ZNF593OS: variants seen among roughly 807,000 people sequenced by gnomAD.
The protein encoded by ZNF593OS is transmembrane protein ZNF593OS.
rs1569861734 is a variant in ZNF593OS, at chr1:26,171,295, A to G, written c.86T>C (p.Leu29Pro). ...CACTGTAGCCACAACTCCTGCCAGCAGACTCCGGGGCTCTGCCTTCAGCTC... is the reference window on the plus strand; with the variant it reads ...CACTGTAGCCACAACTCCTGCCAGCGGACTCCGGGGCTCTGCCTTCAGCTC... The change falls in exon 2 of 2, where the codon CTG (leucine) becomes CCG (proline). Residue 29 changes from leucine to proline, a missense_variant. Physicochemically the swap from Leu to Pro is moderately conservative, Grantham distance 98. Transcript: ENST00000648649. The surrounding 1 kb of genome is among the most constrained non-coding windows in gnomAD (Gnocchi z 5.5). The G allele has an allele frequency of 3.7e-5, 15 of 402,090 alleles. No individual in the cohort carries two copies. The East Asian group carries it at 4.3e-4, about 11-fold the overall frequency. 24.9% of individuals were successfully genotyped at this position (402,090 alleles called of 1,614,324 possible). A position where few individuals can be genotyped will look rare whatever the true frequency, so the allele number is the denominator to read the frequency against.
rs1326588346 is a variant in ZNF593OS at position 26,171,585 on chromosome 1, C to T, written c.45+32G>A. The T allele has an allele frequency of 5.0e-6, 2 of 398,428 alleles. No homozygotes were observed. Among genetic ancestry groups the T allele is most frequent in the African/African-American group, 4.1e-5 (2 of 48,578 alleles). 24.7% of individuals were successfully genotyped at this position (398,428 alleles called of 1,614,324 possible). The stretch of plus-strand genomic sequence containing the variant: ...ATGGTAGGGGGAGGAAGGGGTCAGT[C>T]GTGCCAGAAACCGTTGATCAGGGGT... On this transcript the variant is annotated intron_variant, in intron 1 of 1. Coordinates refer to ENST00000648649, the Ensembl canonical transcript of ZNF593OS. The surrounding 1 kb of genome is among the most constrained non-coding windows in gnomAD (Gnocchi z 5.5).
Position 26,170,873 on chromosome 1 carries a change from A to G in ZNF593OS, c.*316T>C, listed in dbSNP as rs2232657. The G allele has an allele frequency of 9.7e-4, 910 of 938,130 alleles. 7 individuals carry two copies. In the African/African-American group the frequency reaches 0.012, roughly 12 times the overall value. 58.1% of individuals were successfully genotyped at this position (938,130 alleles called of 1,614,324 possible). A position where few individuals can be genotyped will look rare whatever the true frequency, so the allele number is the denominator to read the frequency against. On this transcript the variant is annotated 3_prime_UTR_variant, in exon 2 of 2. Coordinates refer to ENST00000648649, the Ensembl canonical transcript of ZNF593OS. ...CAAATAAAGGAACTGGACAAAGAGAACTTGCCTCCAACTCTAACTTCCAGG... is the reference window on the plus strand; with the variant it reads ...CAAATAAAGGAACTGGACAAAGAGAGCTTGCCTCCAACTCTAACTTCCAGG...
exon 2 of ZNF593OS, chr1:26,170,495 GGA>G (rs1178626542): frequency 1.9e-6 from 3 of 1,614,220 alleles, no homozygotes; most frequent in Non-Finnish European, 1.7e-6. Context: ...GAAGGAGTAA[GGA>G]GAGGATTGAT....
rs770629776 is a variant in ZNF593OS at position 26,170,617 on chromosome 1, G to A, written c.*572C>T. The stretch of plus-strand genomic sequence containing the variant: ...TCGAGCCCTACAGTCAGGAAGAGGC[G>A]GAGAGGGCAGCGGGTATGGGATCCT... On this transcript the variant is annotated 3_prime_UTR_variant, in exon 2 of 2. Transcript: ENST00000648649. 7 of 1,613,484 alleles carry A rather than the reference G, an allele frequency of 4.3e-6. No individual in the cohort carries two copies. Among genetic ancestry groups the A allele is most frequent in the Admixed American group, 1.7e-5 (1 of 60,002 alleles).
chr1:26,170,513 G>C, exon 2 of ZNF593OS: 1 of 1,614,160 alleles, frequency 6.2e-7, no homozygotes, highest in Non-Finnish European at 8.5e-7. Context: ...TTGATGGATG[G>C]GTGCTCAGCA....
chr1:26,171,399 G>A lies in ZNF593OS; in HGVS notation c.46-64C>T, dbSNP rs1008198633. On this transcript the variant is annotated intron_variant, in intron 1 of 1. Coordinates refer to ENST00000648649, the Ensembl canonical transcript of ZNF593OS. This position sits in a 1 kb window ranked among gnomAD's most constrained non-coding sequence, Gnocchi z 5.5. ...AGACTGCCAGGAAGGTGGGGAGTGGGAAAGGGCTGAGTAGATGTAGCTAGG... is the reference window on the plus strand; with the variant it reads ...AGACTGCCAGGAAGGTGGGGAGTGGAAAAGGGCTGAGTAGATGTAGCTAGG... The A allele has an allele frequency of 2.5e-6, 1 of 399,366 alleles. No individual in the cohort carries two copies. Among genetic ancestry groups the A allele is most frequent in the African/African-American group, 2.1e-5 (1 of 48,638 alleles). 24.7% of individuals were successfully genotyped at this position (399,366 alleles called of 1,614,324 possible).
downstream of ZNF593OS, chr1:26,169,918 G>A (rs576363399): frequency 5.6e-5 from 82 of 1,456,148 alleles, 1 homozygote; most frequent in South Asian, 1.1e-3. Flanking sequence ...GATCGGCCCG[G>A]AAGTGCTCAC....
chr1:26,171,504 C>T lies in ZNF593OS; in HGVS notation c.45+113G>A. 2.5e-6 allele frequency: 1 copy of T among 398,678 alleles called. No homozygotes were observed. The highest frequency in any genetic ancestry group is 3.6e-5 in the East Asian group (1 of 28,078). 24.7% of individuals were successfully genotyped at this position (398,678 alleles called of 1,614,324 possible). ...TCGCCTCACTGCCCATCTGGGCCTG[C>T]CTGCTCAGGCGGCAGGGAACGTGAC... On this transcript the variant is annotated intron_variant, in intron 1 of 1. Transcript: ENST00000648649. The surrounding 1 kb of genome is among the most constrained non-coding windows in gnomAD (Gnocchi z 5.5).
chr1:26,170,140 C>T, downstream of ZNF593OS: 1 of 1,571,890 alleles, frequency 6.4e-7, no homozygotes, highest in Non-Finnish European at 8.6e-7. Flanking sequence ...CGAGTTCGAC[C>T]CCGACCTGCC....
downstream of ZNF593OS, chr1:26,169,561 G>T: frequency 5.2e-6 from 1 of 193,018 alleles, no homozygotes; most frequent in Non-Finnish European, 1.0e-5. Context: ...ATTTATCAGT[G>T]CTTTCCAGAG....
At chr1:26,169,965 G>C, downstream of ZNF593OS, 8 of 1,528,726 alleles carry the variant, frequency 5.2e-6, no homozygotes, top group Non-Finnish European at 7.0e-6. Context: ...CCCCTTGGCC[G>C]GCCGGGCTGT....
chr1:26,171,179 CTCT>C lies in ZNF593OS; in HGVS notation c.*7_*9del, dbSNP rs1178957120. The C allele has an allele frequency of 4.9e-6, 2 of 407,036 alleles. No individual in the cohort carries two copies. The highest frequency in any genetic ancestry group is 8.1e-5 in the Admixed American group (2 of 24,620). 25.2% of individuals were successfully genotyped at this position (407,036 alleles called of 1,614,324 possible). The stretch of plus-strand genomic sequence containing the variant: ...ACCCCCAGCATCCAAGTGAGAGTCT[CTCT>C]TCTTCGTTACGGGGCCCGTGGCACC... On this transcript the variant is annotated 3_prime_UTR_variant, in exon 2 of 2. Transcript: ENST00000648649. This position sits in a 1 kb window ranked among gnomAD's most constrained non-coding sequence, Gnocchi z 5.5.
Position 26,171,047 on chromosome 1 carries a change from AGT to A in ZNF593OS, c.*140_*141del. The A allele has an allele frequency of 2.0e-6, 1 of 495,616 alleles. No individual in the cohort carries two copies. The allele number at this position is 495,616 out of a possible 1,614,324, so 30.7% of individuals were successfully genotyped here. On this transcript the variant is annotated 3_prime_UTR_variant, in exon 2 of 2. Transcript: ENST00000648649. The surrounding 1 kb of genome is among the most constrained non-coding windows in gnomAD (Gnocchi z 5.5). ...GAGCACCCAGATGGAGGCCTGATGCAGTGTGGGGTGGCGGGAGTGGGATCAGA... is the reference window on the plus strand; with the variant it reads ...GAGCACCCAGATGGAGGCCTGATGCAGTGGGGTGGCGGGAGTGGGATCAGA...
At chr1:26,170,904 G>A in exon 2 of ZNF593OS, 1 of 726,940 alleles carries the variant, frequency 1.4e-6, no homozygotes, top group Non-Finnish European at 2.2e-6. Flanking sequence ...CCAGGCCGCT[G>A]TCTCAAACTC....
At chr1:26,170,900 C>G in exon 2 of ZNF593OS, 1 of 757,688 alleles carries the variant, frequency 1.3e-6, no homozygotes, top group Non-Finnish European at 2.1e-6. Context: ...ACTTCCAGGC[C>G]GCTGTCTCAA....
chr1:26,170,190 C>T (rs1017316994), downstream of ZNF593OS: 2 of 1,571,326 alleles, frequency 1.3e-6, no homozygotes, highest in Non-Finnish European at 1.7e-6. Flanking sequence ...GCGCGTGAGT[C>T]CCGGACGAGC....
chr1:26,171,194 G>C lies in ZNF593OS; in HGVS notation c.187C>G (p.Pro63Ala), dbSNP rs1261970184. The stretch of plus-strand genomic sequence containing the variant: ...GTGAGAGTCTCTCTTCTTCGTTACG[G>C]GGCCCGTGGCACCCGCCGCTGCCCC... Residue 63 changes from proline to alanine, a missense_variant, in exon 2 of 2, where the codon CCG becomes GCG. Physicochemically the swap from Pro to Ala is conservative, Grantham distance 27. Coordinates refer to ENST00000648649, the Ensembl canonical transcript of ZNF593OS. This position sits in a 1 kb window ranked among gnomAD's most constrained non-coding sequence, Gnocchi z 5.5. The C allele has an allele frequency of 2.5e-6, 1 of 406,106 alleles. No individual in the cohort carries two copies. Among genetic ancestry groups the C allele is most frequent in the African/African-American group, 2.1e-5 (1 of 48,612 alleles). 25.2% of individuals were successfully genotyped at this position (406,106 alleles called of 1,614,324 possible).
chr1:26,171,188 G>A lies in ZNF593OS; in HGVS notation c.*1C>T, dbSNP rs535536621. On this transcript the variant is annotated 3_prime_UTR_variant, in exon 2 of 2. Transcript: ENST00000648649. This position sits in a 1 kb window ranked among gnomAD's most constrained non-coding sequence, Gnocchi z 5.5. ...ATCCAAGTGAGAGTCTCTCTTCTTC[G>A]TTACGGGGCCCGTGGCACCCGCCGC... is the stretch of plus-strand genomic sequence containing the variant. 4.8e-4 allele frequency: 193 copies of A among 405,136 alleles called. No homozygotes were observed. The highest frequency in any genetic ancestry group is 2.9e-3 in the African/African-American group (139 of 48,728). The allele number at this position is 405,136 out of a possible 1,614,324, so 25.1% of individuals were successfully genotyped here.
downstream of ZNF593OS, chr1:26,169,894 G>C: frequency 7.5e-7 from 1 of 1,341,716 alleles, no homozygotes; most frequent in South Asian, 1.6e-5. Flanking sequence ...CCCCCGGCGT[G>C]GCCTGACGTA....
Sources: allele counts gnomAD v4.1 joint callset, GRCh38; gene constraint gnomAD v4.1.1; non-coding constraint Gnocchi (gnomAD v3.1); transcripts MANE v1.5; gene names NCBI Gene and HGNC (gene_info 2026-07-23, HGNC 2026-07-21).